AIFM1: variants seen among roughly 807,000 people sequenced by gnomAD.
AIFM1 encodes the protein apoptosis inducing factor mitochondria associated 1, also known as apoptosis-inducing factor 1, mitochondrial.
AIFM1 carries 3 observed loss-of-function variants against 51.7 expected under a neutral mutation model. That is an observed-to-expected ratio of 0.06 (90% confidence interval 0.03 to 0.15). AIFM1 has a LOEUF of 0.15. Ranked by LOEUF, AIFM1 falls within the 10% of genes least tolerant of loss-of-function variation. The pLI, the probability that AIFM1 is intolerant of heterozygous loss-of-function variation, is 1.00. For missense variants in AIFM1, 330 were observed against 476.8 expected (o/e 0.69, Z 2.87); for synonymous variants, 178 against 179.4 (o/e 0.99, Z 0.06).
intron 2 of AIFM1, among the ~76,000 whole-genome samples, chrX:130,152,113 GAAAAGAAAAGAA>G (rs944831912): frequency 1.1e-4 from 11 of 99,918 alleles, no homozygotes; most frequent in South Asian, 4.5e-4. Flanking sequence ...GAAGAGAAGA[GAAAAGAAAAGAA>G]AAAAGAAAAG....
intron 1 of AIFM1, among the ~76,000 whole-genome samples, chrX:130,164,830 C>A (rs565567483): frequency 9.0e-6 from 1 of 111,729 alleles, no homozygotes; most frequent in East Asian, 2.8e-4. Flanking sequence ...GTAATTTCAC[C>A]TCTCTGTGCC....
At chrX:130,165,444 A>G (rs1217817378) in intron 1 of AIFM1, 107 bp downstream of exon 1, 2 of 652,790 alleles carry the variant, frequency 3.1e-6, no homozygotes, top group Non-Finnish European at 4.9e-6. Context: ...TCACGTGACT[A>G]TGTGTTAAGT....
In AIFM1 at chrX:130,149,476, C is replaced by T. The variant is rs773777602; in HGVS notation, c.342G>A (p.Ala114=). The T allele has an allele frequency of 2.0e-5, 24 of 1,204,603 alleles. No homozygotes were observed. The highest frequency in any genetic ancestry group is 2.3e-4 in the Middle Eastern group (1 of 4,342). ...LTPEQKQKKA[A]LSASEGEEVP... ...ACTTAAGGGAATACTCACCAGATAA[C>T]GCGGCCTTTTTCTGTTTCTGTTCTG... The change falls in exon 3 of 16, where the codon GCG becomes GCA. Residue 114 remains alanine (A), a synonymous_variant. Transcript: ENST00000287295.
chrX:130,129,873 C>G, intron 15 of AIFM1, 97 bp downstream of exon 15: 2 of 1,048,514 alleles, frequency 1.9e-6, no homozygotes, highest in Non-Finnish European at 2.7e-6. Context: ...TTTGACCTGG[C>G]CGGGGGACAA....
intron 2 of AIFM1, among the ~76,000 whole-genome samples, chrX:130,151,463 T>C (rs1202915089): frequency 9.0e-6 from 1 of 111,500 alleles, no homozygotes; most frequent in Non-Finnish European, 1.9e-5. Context: ...CTAAGAATAC[T>C]TCTATGACTT....
Position 130,149,560 on chromosome X carries a change from C to G in AIFM1, c.258G>C (p.Lys86Asn). ...STVGAGAYAY[K>N]TMKEDEKRYN... is the part of the protein sequence containing the mutation. The stretch of plus-strand genomic sequence containing the variant: ...ATCTTTTTTCATCCTCTTTCATAGT[C>G]TTGTAGGCCTGCGGATCCAAACATG... The change falls in exon 3 of 16, where the codon AAG becomes AAC. Residue 86 changes from lysine to asparagine, a missense_variant. Lys to Asn is a moderately conservative substitution (Grantham distance 94, BLOSUM62 0). Coordinates refer to ENST00000287295, the MANE Select transcript of AIFM1 (RefSeq NM_004208.4). 1 of 1,196,195 alleles carries G rather than the reference C, an allele frequency of 8.4e-7. No individual in the cohort carries two copies. The highest frequency in any genetic ancestry group is 1.1e-6 in the Non-Finnish European group (1 of 881,682).
In AIFM1 at chrX:130,133,337, G is replaced by A. The variant is rs724160022; in HGVS notation, c.1424C>T (p.Pro475Leu). 1.7e-6 allele frequency: 2 copies of A among 1,211,123 alleles called. No homozygotes were observed. Among genetic ancestry groups the A allele is most frequent in the South Asian group, 1.8e-5 (1 of 56,951 alleles). ...CCAGAACATTGACTGATGCCAGTAC[G>A]GCTTAGCAGCTCCAGTCATATTTTC... ...AGENMTGAAK[P>L]YWHQSMFWSD... Residue 475 changes from proline (P) to leucine (L), a missense_variant, in exon 13 of 16, where the codon CCG becomes CTG. Physicochemically the swap from Pro to Leu is moderately conservative, Grantham distance 98 (BLOSUM62 -3). Around this residue, in one of 4 missense-constraint regions of AIFM1, gnomAD observed 152 missense variants for 292.8 expected, o/e 0.52. Transcript: ENST00000287295.
At chrX:130,164,167 CA>C (rs141655412) in intron 1 of AIFM1, among the ~76,000 whole-genome samples, 12,621 of 74,607 alleles carry the variant, frequency 0.17, 824 homozygotes, top group Non-Finnish European at 0.22. Context: ...GACTCCGTCT[CA>C]AAAAAAAAAA....
At chrX:130,148,573 C>T (rs992803502) in intron 3 of AIFM1, among the ~76,000 whole-genome samples, 2 of 111,245 alleles carry the variant, frequency 1.8e-5, no homozygotes, top group Non-Finnish European at 3.8e-5. Context: ...GTGGCTCCCA[C>T]CTGTAATCCC....
intron 3 of AIFM1, 45 bp from the exon 4 acceptor site, chrX:130,147,921 G>C: frequency 8.3e-7 from 1 of 1,207,869 alleles, no homozygotes; most frequent in Non-Finnish European, 1.1e-6. Context: ...TGAAGTCTCA[G>C]ATGATTCTTT....
chrX:130,129,481 A>G lies in AIFM1; in HGVS notation c.*76T>C, dbSNP rs1163917191. On this transcript the variant is annotated 3_prime_UTR_variant, in exon 16 of 16. Transcript: ENST00000287295. ...ACTCATACACAGAGAAAGTCTGCTG[A>G]ATAAAAAAATGCTCCTTTACCCATT... The G allele has an allele frequency of 1.2e-6, 1 of 837,426 alleles. No homozygotes were observed. The highest frequency in any genetic ancestry group is 1.8e-6 in the Non-Finnish European group (1 of 555,150). The allele number at this position is 837,426 out of a possible 1,213,427, so 69.0% of individuals were successfully genotyped here. A position where few individuals can be genotyped will look rare whatever the true frequency, so the allele number is the denominator to read the frequency against.
At chrX:130,138,272 T>C (rs767600125) in intron 9 of AIFM1, among the ~76,000 whole-genome samples, 2 of 110,626 alleles carry the variant, frequency 1.8e-5, no homozygotes, top group Non-Finnish European at 3.8e-5. Flanking sequence ...GAGACAGTCC[T>C]GGCTAACACG....
In AIFM1 at chrX:130,165,702, G is replaced by T. The variant is rs1476692739; in HGVS notation, c.-46C>A. On this transcript the variant is annotated 5_prime_UTR_variant, in exon 1 of 16. Coordinates refer to ENST00000287295, the MANE Select transcript of AIFM1 (RefSeq NM_004208.4). ...ACCTCCTCCTTCCCTTTCCTCTCAC[G>T]CACGACCGACGGGTCAAACACCGTG... is the stretch of plus-strand genomic sequence containing the variant. 5 of 1,075,515 alleles carry T rather than the reference G, an allele frequency of 4.6e-6. No individual in the cohort carries two copies. In the Admixed American group the frequency reaches 1.0e-4, roughly 22 times the overall value. The allele number at this position is 1,075,515 out of a possible 1,213,427, so 88.6% of individuals were successfully genotyped here. A position where few individuals can be genotyped will look rare whatever the true frequency, so the allele number is the denominator to read the frequency against.
chrX:130,152,236 A>C (rs1164995800), intron 2 of AIFM1, among the ~76,000 whole-genome samples: 2 of 112,267 alleles, frequency 1.8e-5, no homozygotes, highest in Non-Finnish European at 3.8e-5. Context: ...GAATATCCCA[A>C]AATAGCCTAA....
Position 130,131,419 on chromosome X carries a change from A to G in AIFM1, c.1573+256T>C, listed in dbSNP as rs210023. Among the ~76,000 whole-genome samples the G allele has an allele frequency of 0.52, 58,220 of 111,623 alleles. 12,068 individuals carry two copies. The highest frequency in any genetic ancestry group is 0.79 in the African/African-American group (24,267 of 30,713). The stretch of plus-strand genomic sequence containing the variant: ...CAGAGACACACAAAACAGCAGTGTC[A>G]TTGAGCTAGCCACTGTCCACTGTCT... On this transcript the variant is annotated intron_variant, in intron 14 of 15. Transcript: ENST00000287295.
chrX:130,132,445 C>T (rs2030130712), intron 13 of AIFM1, among the ~76,000 whole-genome samples: 1 of 112,787 alleles, frequency 8.9e-6, no homozygotes, highest in Admixed American at 9.4e-5. Flanking sequence ...CTTGAAATTC[C>T]CTTTTTGAAG....
At chrX:130,155,058 C>T in intron 2 of AIFM1, 1 of 1,040,004 alleles carries the variant, frequency 9.6e-7, no homozygotes, top group Non-Finnish European at 1.3e-6. Context: ...AAAGCACATG[C>T]TGTGAATATT....
chrX:130,136,118 C>G lies in AIFM1; in HGVS notation c.1232G>C (p.Gly411Ala), dbSNP rs753549726. The G allele has an allele frequency of 8.3e-7, 1 of 1,211,896 alleles. No individual in the cohort carries two copies. The highest frequency in any genetic ancestry group is 1.7e-5 in the African/African-American group (1 of 57,856). Residue 411 changes from glycine (G) to alanine (A), a missense_variant, in exon 12 of 16, where the codon GGC becomes GCC. Coordinates refer to ENST00000287295, the MANE Select transcript of AIFM1 (RefSeq NM_004208.4). ...EPNVELAKTGGLEIDSDFGGF... is the reference protein window; with the variant it reads ...EPNVELAKTGALEIDSDFGGF... ...ACCAAAATCTGAGTCTATTTCCAGG[C>G]CACCAGTCTTGGCCAACTCAACATT...
intron 1 of AIFM1, among the ~76,000 whole-genome samples, chrX:130,163,902 T>C (rs772826892): frequency 9.3e-5 from 10 of 107,788 alleles, no homozygotes; most frequent in Admixed American, 2.0e-4. Context: ...ACGCCTGTAA[T>C]CCCAGCGCTT....
Sources: allele counts gnomAD v4.1 joint callset (sites outside exome capture counted in the v4.1 genomes callset), GRCh38; gene constraint gnomAD v4.1.1; regional missense constraint gnomAD v4.1.1; transcripts MANE v1.5; gene names NCBI Gene and HGNC (gene_info 2026-07-23, HGNC 2026-07-21).